The following ACADSB variants were observed in gnomAD, a reference collection of about 807,000 sequenced individuals.
ACADSB encodes the protein acyl-CoA dehydrogenase short/branched chain, also known as short/branched chain specific acyl-CoA dehydrogenase, mitochondrial.
A neutral mutation model predicts 54.1 loss-of-function variants in ACADSB; 40 were observed. The observed-to-expected ratio is 0.74, with a 90% CI of 0.57 to 0.96. The LOEUF (loss-of-function observed/expected upper bound fraction) is 0.96. ACADSB is among the 40% of genes least tolerant of loss of function. The probability of loss-of-function intolerance (pLI) is 0.00; values close to 1 mark genes in which losing one functional copy is unlikely to be tolerated. For synonymous variants in ACADSB, 182 were observed against 182.8 expected (o/e 1.00, Z 0.03); for missense variants, 530 against 510.4 (o/e 1.04, Z -0.37).
In ACADSB at chr10:123,013,490, C is replaced by T. The variant is rs537535783; in HGVS notation, c.42+4419C>T. On this transcript the variant is annotated intron_variant, in intron 1 of 10. Coordinates refer to ENST00000358776, the MANE Select transcript of ACADSB (RefSeq NM_001609.4). The stretch of plus-strand genomic sequence containing the variant: ...CAGGTGGAGCTGCCTGCCAGTCTCG[C>T]GCCTCGTGCCTGCACTCCTCAGCCC... Among the ~76,000 whole-genome samples the T allele has an allele frequency of 5.3e-5, 8 of 152,378 alleles. No homozygotes were observed. The South Asian group carries it at 8.3e-4, about 16-fold the overall frequency.
chr10:123,038,743 A>G (rs1850433429), intron 3 of ACADSB, among the ~76,000 whole-genome samples: 1 of 152,158 alleles, frequency 6.6e-6, no homozygotes, highest in Non-Finnish European at 1.5e-5. Flanking sequence ...GCTTTTTTAT[A>G]CCGTGTGTAG....
At chr10:123,042,808 G>C (rs1181545925) in intron 5 of ACADSB, among the ~76,000 whole-genome samples, 2 of 152,022 alleles carry the variant, frequency 1.3e-5, no homozygotes, top group African/African-American at 4.8e-5. Context: ...ATATAATAGT[G>C]TAATAATAAT....
At chr10:123,014,198 G>A (rs939312718) in intron 1 of ACADSB, among the ~76,000 whole-genome samples, 4 of 152,078 alleles carry the variant, frequency 2.6e-5, no homozygotes, top group African/African-American at 9.7e-5. Flanking sequence ...TCACCCTCTT[G>A]CCTTTCTCTT....
chr10:123,011,827 C>T (rs978601185), intron 1 of ACADSB, among the ~76,000 whole-genome samples: 21 of 152,014 alleles, frequency 1.4e-4, no homozygotes, highest in Admixed American at 7.9e-4. Flanking sequence ...AGCCACCACA[C>T]CAGGCCGCTT....
intron 1 of ACADSB, among the ~76,000 whole-genome samples, chr10:123,034,099 A>G (rs1375634968): frequency 2.0e-5 from 3 of 152,248 alleles, no homozygotes; most frequent in Non-Finnish European, 4.4e-5. Flanking sequence ...ATTTTTTGAG[A>G]AAGTTCTGTC....
Position 123,052,981 on chromosome 10 carries a change from T to C in ACADSB, c.1129-80T>C. 9.0e-7 allele frequency: 1 copy of C among 1,111,712 alleles called. No individual in the cohort carries two copies. The highest frequency in any genetic ancestry group is 1.4e-6 in the Non-Finnish European group (1 of 726,356). 68.9% of individuals were successfully genotyped at this position (1,111,712 alleles called of 1,614,324 possible). A position where few individuals can be genotyped will look rare whatever the true frequency, so the allele number is the denominator to read the frequency against. On this transcript the variant is annotated intron_variant, in intron 9 of 10. Transcript: ENST00000358776. The surrounding 1 kb of genome is among the most constrained non-coding windows in gnomAD (Gnocchi z 4.2). ...AGTGCCACTAACAGTAAATCCATGT[T>C]GCTGAAAATGTTACCCAGAAGTGTT...
At chr10:123,014,632 CA>C (rs1019132811) in intron 1 of ACADSB, among the ~76,000 whole-genome samples, 4 of 151,802 alleles carry the variant, frequency 2.6e-5, no homozygotes, top group South Asian at 2.1e-4. Context: ...TTCTTGACAT[CA>C]AAAAAAATTA....
At chr10:123,025,314 A>C (rs1217304142) in intron 1 of ACADSB, among the ~76,000 whole-genome samples, 2 of 150,608 alleles carry the variant, frequency 1.3e-5, no homozygotes, top group African/African-American at 4.9e-5. Flanking sequence ...ACAACAACAA[A>C]AAATTAGCTG....
Position 123,041,310 on chromosome 10 carries a change from A to G in ACADSB, c.612A>G (p.Ser204=). 2 of 1,614,228 alleles carry G rather than the reference A, an allele frequency of 1.2e-6. No individual in the cohort carries two copies. ...GAGATTATTATGTCCTCAATGGATCAAAGATGTGGATCAGCAGTGCTGAGC... is the reference window on the plus strand; with the variant it reads ...GAGATTATTATGTCCTCAATGGATCGAAGATGTGGATCAGCAGTGCTGAGC... The part of the protein sequence containing the change: ...KEGDYYVLNG[S]KMWISSAEHA... The change falls in exon 5 of 11, where the codon TCA becomes TCG. Residue 204 remains serine, a synonymous_variant. Coordinates refer to ENST00000358776, the MANE Select transcript of ACADSB (RefSeq NM_001609.4).
chr10:123,034,947 CTTTT>C (rs138763749), intron 2 of ACADSB, among the ~76,000 whole-genome samples: 2 of 149,516 alleles, frequency 1.3e-5, no homozygotes, highest in African/African-American at 4.9e-5. Flanking sequence ...TTCTTTCTTT[CTTTT>C]TTTTCTTTTT....
Position 123,054,437 on chromosome 10 carries a change from A to C in ACADSB, c.*672A>C, listed in dbSNP as rs1456965720. The C allele has an allele frequency of 6.6e-6, 1 of 152,236 alleles. No homozygotes were observed. Among genetic ancestry groups the C allele is most frequent in the African/African-American group, 2.4e-5 (1 of 41,464 alleles). 9.4% of individuals were successfully genotyped at this position (152,236 alleles called of 1,614,324 possible). A position where few individuals can be genotyped will look rare whatever the true frequency, so the allele number is the denominator to read the frequency against. On this transcript the variant is annotated 3_prime_UTR_variant, in exon 11 of 11. Transcript: ENST00000358776. ...ATAGAAATAGTTTATATTCCTATTA[A>C]ATCTTAATCTTGTGGCATCAGGGAA...
chr10:123,027,995 C>T (rs1458135345), intron 1 of ACADSB, among the ~76,000 whole-genome samples: 2 of 152,122 alleles, frequency 1.3e-5, no homozygotes, highest in African/African-American at 4.8e-5. Context: ...ATAAAGTGTC[C>T]ACTTCTTATA....
At position 123,043,166 on chromosome 10, in the gene ACADSB, G is replaced by A; in HGVS notation, c.802G>A (p.Val268Ile). 4 of 1,613,766 alleles carry A rather than the reference G, an allele frequency of 2.5e-6. No homozygotes were observed. Among genetic ancestry groups the A allele is most frequent in the Non-Finnish European group, 3.4e-6 (4 of 1,179,764 alleles). The change falls in exon 6 of 11, where the codon GTC (valine) becomes ATC (isoleucine). Residue 268 changes from valine (V) to isoleucine (I), a missense_variant. Physicochemically the swap from Val to Ile is conservative, Grantham distance 29. Coordinates refer to ENST00000358776, the MANE Select transcript of ACADSB (RefSeq NM_001609.4). ...SSTCPLTFEN[V>I]KVPEANILGQ... is the part of the protein sequence containing the mutation. The stretch of plus-strand genomic sequence containing the variant: ...CACCTGCCCGTTAACATTCGAAAAT[G>A]TCAAGGTGGGTATCGTAGACTAATC...
rs1183925052 is a variant in ACADSB at position 123,040,560 on chromosome 10, C to T, written c.398C>T (p.Ala133Val). Reference sequence around the variant, plus strand: ...ATAGAGGAATTAGCCAAAGTTGATGCATCTGTGGCTGTCTTTTGTGAGATC... The same window carrying T: ...ATAGAGGAATTAGCCAAAGTTGATGTATCTGTGGCTGTCTTTTGTGAGATC... ...LVIEELAKVD[A>V]SVAVFCEIQN... The change falls in exon 4 of 11, where the codon GCA becomes GTA. Residue 133 changes from alanine to valine, a missense_variant. Physicochemically the swap from Ala to Val is moderately conservative, Grantham distance 64. Coordinates refer to ENST00000358776, the MANE Select transcript of ACADSB (RefSeq NM_001609.4). 26 of 1,613,918 alleles carry T rather than the reference C, an allele frequency of 1.6e-5. No homozygotes were observed. Among genetic ancestry groups the T allele is most frequent in the Non-Finnish European group, 2.0e-5 (24 of 1,179,866 alleles).
chr10:123,020,324 A>AGGTTG (rs145907740), intron 1 of ACADSB, among the ~76,000 whole-genome samples: 21,055 of 152,142 alleles, frequency 0.14, 1,537 homozygotes, highest in Middle Eastern at 0.21. Flanking sequence ...CATTTCCCAG[A>AGGTTG]GGTTGCTGCT....
At chr10:123,025,951 C>T (rs113094083) in intron 1 of ACADSB, among the ~76,000 whole-genome samples, 10 of 152,124 alleles carry the variant, frequency 6.6e-5, no homozygotes, top group East Asian at 1.9e-4. Context: ...ATCCCAGCTA[C>T]GCAGGAGGCT....
At chr10:123,046,301 C>T (rs1850560417) in intron 7 of ACADSB, among the ~76,000 whole-genome samples, 1 of 152,136 alleles carries the variant, frequency 6.6e-6, no homozygotes, top group South Asian at 2.1e-4. Context: ...CTGGGCATTT[C>T]CCCCAAAAGC....
In ACADSB at chr10:123,043,132, A is replaced by G. The variant is rs1283996824; in HGVS notation, c.768A>G (p.Arg256=). The G allele has an allele frequency of 1.2e-6, 2 of 1,613,910 alleles. No individual in the cohort carries two copies. The highest frequency in any genetic ancestry group is 2.7e-5 in the African/African-American group (2 of 74,922). Residue 256 remains arginine (R), a synonymous_variant, in exon 6 of 11, where the codon AGA becomes AGG. Transcript: ENST00000358776. Reference sequence around the variant, plus strand: ...AACCTGAAAACAAATTGGGGCTCAGAGCTTCTTCCACCTGCCCGTTAACAT... The same window carrying G: ...AACCTGAAAACAAATTGGGGCTCAGGGCTTCTTCCACCTGCCCGTTAACAT... ...IGKPENKLGL[R]ASSTCPLTFE... is the part of the protein sequence containing the mutation.
At position 123,052,413 on chromosome 10, in the gene ACADSB, T is replaced by C. The variant is rs1850644506; in HGVS notation, c.1129-648T>C. Among the ~76,000 whole-genome samples, 1 of 152,188 alleles carries C rather than the reference T, an allele frequency of 6.6e-6. No individual in the cohort carries two copies. The highest frequency in any genetic ancestry group is 2.4e-5 in the African/African-American group (1 of 41,456). ...TCTCTGACTCTGCTTCCTGTCTCCA[T>C]GGTCACGTCACCTTCCATGACTAAC... On this transcript the variant is annotated intron_variant, in intron 9 of 10. Coordinates refer to ENST00000358776, the MANE Select transcript of ACADSB (RefSeq NM_001609.4). The surrounding 1 kb of genome is among the most constrained non-coding windows in gnomAD (Gnocchi z 4.2).
Sources: allele counts gnomAD v4.1 joint callset (sites outside exome capture counted in the v4.1 genomes callset), GRCh38; gene constraint gnomAD v4.1.1; non-coding constraint Gnocchi (gnomAD v3.1); transcripts MANE v1.5; gene names NCBI Gene and HGNC (gene_info 2026-07-23, HGNC 2026-07-21).